The following LTBP4 variants were observed in gnomAD, a reference collection of about 807,000 sequenced individuals.
LTBP4 encodes latent-transforming growth factor beta-binding protein 4.
In LTBP4, 93 loss-of-function variants were observed where a neutral mutation model predicts 180.2. The observed-to-expected ratio is 0.52, with a 90% CI of 0.44 to 0.61. The LOEUF is 0.61. LTBP4 is among the 20% of genes least tolerant of loss of function. The probability of loss-of-function intolerance (pLI) is 0.00; values close to 1 mark genes in which losing one functional copy is unlikely to be tolerated. For missense variants in LTBP4, 2,116 were observed against 2,256.5 expected, an observed-to-expected ratio of 0.94 and a Z score of 1.26; for synonymous variants, 947 against 934.5, an observed-to-expected ratio of 1.01 and a Z score of -0.24.
Position 40,629,545 on chromosome 19 carries a change from G to T in LTBP4, c.4669G>T (p.Ala1557Ser). 5 of 1,471,504 alleles carry T rather than the reference G, an allele frequency of 3.4e-6. No individual in the cohort carries two copies. The highest frequency in any genetic ancestry group is 2.4e-5 in the Admixed American group (1 of 41,266). 91.2% of individuals were successfully genotyped at this position (1,471,504 alleles called of 1,614,324 possible). A position where few individuals can be genotyped will look rare whatever the true frequency, so the allele number is the denominator to read the frequency against. ...CCACTGTGCGCCCGCACGGCCCCGGGCCTGAGCCCTGGCACCCGCTGGCCG... is the reference window on the plus strand; with the variant it reads ...CCACTGTGCGCCCGCACGGCCCCGGTCCTGAGCCCTGGCACCCGCTGGCCG... ...PHHCAPARPR[A>S] Residue 1557 changes from alanine (A) to serine (S), a missense_variant, in exon 30 of 30, where the codon GCC (alanine) becomes TCC (serine). By Grantham distance (99) the Ala-to-Ser change is moderately conservative (BLOSUM62 1). This residue lies in a region of LTBP4 where 488 missense variants were observed against 458.8 expected (regional missense o/e 1.06). Transcript: ENST00000396819. The surrounding 1 kb of genome is among the most constrained non-coding windows in gnomAD (Gnocchi z 4.5).
At chr19:40,615,808 G>A (rs2081544973) in intron 19 of LTBP4, among the ~76,000 whole-genome samples, 1 of 152,138 alleles carries the variant, frequency 6.6e-6, no homozygotes, top group Non-Finnish European at 1.5e-5. Context: ...CTATATGTTG[G>A]GCACTGGAGA....
chr19:40,604,819 C>T (rs1281175479), intron 1 of LTBP4, among the ~76,000 whole-genome samples: 2 of 152,258 alleles, frequency 1.3e-5, no homozygotes, highest in East Asian at 3.9e-4. Context: ...CCAGCCTGGG[C>T]AATAGAGCGA....
chr19:40,604,740 G>A (rs896191695), intron 1 of LTBP4, among the ~76,000 whole-genome samples: 3 of 152,172 alleles, frequency 2.0e-5, no homozygotes, highest in Non-Finnish European at 4.4e-5. Context: ...CTACTTAGGA[G>A]GCTCAGATGG....
At chr19:40,600,214 G>T, upstream of LTBP4, 1 of 1,171,032 alleles carries the variant, frequency 8.5e-7, no homozygotes, top group African/African-American at 1.6e-5. This position sits in a 1 kb window ranked among gnomAD's most constrained non-coding sequence, Gnocchi z 4.4. Context: ...TGGGGCGAGG[G>T]GGGTTCCGGG....
chr19:40,625,286 A>ATATATATATATATATT (rs2081621160), intron 26 of LTBP4, among the ~76,000 whole-genome samples: 1 of 5,536 alleles, frequency 1.8e-4, no homozygotes, highest in Non-Finnish European at 2.9e-4. Context: ...ATATATATAT[A>ATATATATATATATATT]TATATATATA....
intron 1 of LTBP4, chr19:40,593,310 A>T: frequency 9.8e-7 from 1 of 1,019,310 alleles, no homozygotes; most frequent in Non-Finnish European, 1.5e-6. Flanking sequence ...TGGTGCAATC[A>T]TGGCTCACTG....
At chr19:40,610,105 A>C in intron 11 of LTBP4, 1 of 549,110 alleles carries the variant, frequency 1.8e-6, no homozygotes, top group Non-Finnish European at 3.1e-6. Context: ...GCCTGGTCGC[A>C]ACTCGTATTG....
rs770984689 is a variant in LTBP4, at chr19:40,605,028, C to T, written c.251-7C>T. 2 of 1,602,194 alleles carry T rather than the reference C, an allele frequency of 1.2e-6. No individual in the cohort carries two copies. The highest frequency in any genetic ancestry group is 1.7e-6 in the Non-Finnish European group (2 of 1,171,566). ...GGCGCCCCTGAGTGTCCTCGTTCTC[C>T]TCCCAGTCCTGTGTCCCTTGATCTG... is the stretch of plus-strand genomic sequence containing the variant. On this transcript the variant is annotated splice_polypyrimidine_tract_variant and splice_region_variant and intron_variant, in intron 1 of 29. Transcript: ENST00000396819. The surrounding 1 kb of genome is among the most constrained non-coding windows in gnomAD (Gnocchi z 5.5).
upstream of LTBP4, chr19:40,600,081 A>G (rs1326183870): frequency 2.1e-5 from 26 of 1,262,630 alleles, no homozygotes; most frequent in Non-Finnish European, 2.6e-5. The surrounding 1 kb of genome is among the most constrained non-coding windows in gnomAD (Gnocchi z 4.4). Context: ...CCAGGAGGCC[A>G]GAGCTCTACT....
upstream of LTBP4, chr19:40,597,187 C>T: frequency 1.5e-6 from 2 of 1,379,212 alleles, no homozygotes; most frequent in East Asian, 6.1e-5. Flanking sequence ...GCTAGCCTGA[C>T]CCGCTGGACA....
At chr19:40,597,143 CG>C, upstream of LTBP4, 1 of 904,088 alleles carries the variant, frequency 1.1e-6, no homozygotes, top group Non-Finnish European at 1.4e-6. Flanking sequence ...CGGCCTCGGG[CG>C]GGGGCGGGGG....
chr19:40,602,145 T>TTGTGTGTGTGTGTG (rs751242257), intron 1 of LTBP4, among the ~76,000 whole-genome samples: 11 of 81,818 alleles, frequency 1.3e-4, no homozygotes, highest in African/African-American at 5.4e-4. Flanking sequence ...GAGACGGGGG[T>TTGTGTGTGTGTGTG]TGTGTGTGTG....
In LTBP4 at chr19:40,627,873, G is replaced by C. The variant is rs767899776; in HGVS notation, c.4519+16G>C. The C allele has an allele frequency of 6.4e-7, 1 of 1,552,326 alleles. No individual in the cohort carries two copies. Among genetic ancestry groups the C allele is most frequent in the South Asian group, 1.2e-5 (1 of 85,028 alleles). ...GCCTGCGTTGGTGAGGGCGGGCCCG[G>C]GGCCAGCATGCGCAGGGAGAGGCGA... is the stretch of plus-strand genomic sequence containing the variant. On this transcript the variant is annotated intron_variant, in intron 29 of 29. Transcript: ENST00000396819.
Position 40,617,000 on chromosome 19 carries a change from C to T in LTBP4, c.2924C>T (p.Thr975Met), listed in dbSNP as rs771821666. The change falls in exon 20 of 30, where the codon ACG (threonine) becomes ATG (methionine). Residue 975 changes from threonine to methionine, a missense_variant. Coordinates refer to ENST00000396819, the MANE Select transcript of LTBP4 (RefSeq NM_001042545.2). ...TPACDPGYQP[T>M]PGGGCQDVDE... ...GCCTGTGACCCTGGCTATCAGCCCACGCCAGGGGGCGGATGCCAGGGTGGG... is the reference window on the plus strand; with the variant it reads ...GCCTGTGACCCTGGCTATCAGCCCATGCCAGGGGGCGGATGCCAGGGTGGG... 16 of 1,613,334 alleles carry T rather than the reference C, an allele frequency of 9.9e-6. No homozygotes were observed. Among genetic ancestry groups the T allele is most frequent in the Middle Eastern group, 1.6e-4 (1 of 6,084 alleles).
upstream of LTBP4, among the ~76,000 whole-genome samples, chr19:40,598,914 T>G (rs184064828): frequency 6.6e-6 from 1 of 152,338 alleles, no homozygotes; most frequent in East Asian, 1.9e-4. Context: ...TTTAATCACT[T>G]TTAAAAGGCT....
rs1368827859 is a variant in LTBP4, at chr19:40,617,082, ACTGT to A, written c.2945-14_2945-11del. 1 of 1,613,520 alleles carries A rather than the reference ACTGT, an allele frequency of 6.2e-7. No individual in the cohort carries two copies. On this transcript the variant is annotated splice_polypyrimidine_tract_variant and intron_variant, in intron 20 of 29. Coordinates refer to ENST00000396819, the MANE Select transcript of LTBP4 (RefSeq NM_001042545.2). Reference sequence around the variant, plus strand: ...TGGTAGAAGGTCCAGAAATGGCCTGACTGTCTGGTGGTTGCAGATGTGGACGAAT... The same window carrying A: ...TGGTAGAAGGTCCAGAAATGGCCTGACTGGTGGTTGCAGATGTGGACGAAT...
chr19:40,613,176 G>C lies in LTBP4; in HGVS notation c.2411G>C (p.Gly804Ala). The C allele has an allele frequency of 6.4e-7, 1 of 1,572,640 alleles. No homozygotes were observed. The highest frequency in any genetic ancestry group is 8.6e-7 in the Non-Finnish European group (1 of 1,159,484). ...SCAPGYRAPS[G>A]RPGPCADVNE... ...GCGCCAGGCTACCGGGCGCCGTCGG[G>C]TCGGCCCGGGCCCTGCGCAGGTGAG... The change falls in exon 16 of 30, where the codon GGT becomes GCT. Residue 804 changes from glycine to alanine, a missense_variant. Coordinates refer to ENST00000396819, the MANE Select transcript of LTBP4 (RefSeq NM_001042545.2). The surrounding 1 kb of genome is among the most constrained non-coding windows in gnomAD (Gnocchi z 5.0).
At chr19:40,594,899 C>T (rs1432405321) in intron 1 of LTBP4, among the ~76,000 whole-genome samples, 1 of 151,470 alleles carries the variant, frequency 6.6e-6, no homozygotes, top group Non-Finnish European at 1.5e-5. Context: ...GTCCTGCACA[C>T]CCTCCTGGAT....
intron 28 of LTBP4, 101 bp downstream of exon 28, chr19:40,627,456 G>A (rs2081644120): frequency 7.2e-7 from 1 of 1,393,766 alleles, no homozygotes; most frequent in South Asian, 1.5e-5. Context: ...CGGAACACAG[G>A]TGCAACTGGA....
Sources: allele counts gnomAD v4.1 joint callset (sites outside exome capture counted in the v4.1 genomes callset), GRCh38; gene constraint gnomAD v4.1.1; regional missense constraint gnomAD v4.1.1; non-coding constraint Gnocchi (gnomAD v3.1); transcripts MANE v1.5; gene names NCBI Gene and HGNC (gene_info 2026-07-23, HGNC 2026-07-21).